Variants in KCNH7 observed in about 807,000 individuals in gnomAD.
KCNH7 encodes the protein potassium voltage-gated channel subfamily H member 7, also known as voltage-gated inwardly rectifying potassium channel KCNH7.
A neutral mutation model predicts 120.8 loss-of-function variants in KCNH7; 49 were observed. The observed-to-expected ratio is 0.41, with a 90% confidence interval of 0.32 to 0.51. KCNH7 has a LOEUF of 0.51. Among genes scored for constraint, KCNH7 ranks in the 20% least tolerant of loss-of-function variants. KCNH7 has a pLI of 0.38. For synonymous variants in KCNH7, 547 were observed against 516.1 expected, an observed-to-expected ratio of 1.06 and a Z score of -0.81; for missense variants, 1,097 against 1,446.6, an observed-to-expected ratio of 0.76 and a Z score of 3.92.
At chr2:162,711,077 A>C (rs1686913205) in intron 2 of KCNH7, among the ~76,000 whole-genome samples, 1 of 152,210 alleles carries the variant, frequency 6.6e-6, no homozygotes, top group African/African-American at 2.4e-5. Flanking sequence ...GTCTGAAAAA[A>C]TATTTGTCTA....
intron 2 of KCNH7, among the ~76,000 whole-genome samples, chr2:162,690,630 T>G (rs965289642): frequency 6.6e-6 from 1 of 152,132 alleles, no homozygotes; most frequent in South Asian, 2.1e-4. Flanking sequence ...TACTATCTTA[T>G]TTACAAGCAA....
chr2:162,423,613 G>A, intron 8 of KCNH7, 78 bp from the exon 9 acceptor site: 1 of 1,302,858 alleles, frequency 7.7e-7, no homozygotes, highest in Non-Finnish European at 1.1e-6. Context: ...TCAAGCATGT[G>A]GATTTTGATT....
At chr2:162,745,054 C>T (rs1688269986) in intron 2 of KCNH7, among the ~76,000 whole-genome samples, 1 of 152,172 alleles carries the variant, frequency 6.6e-6, no homozygotes, top group Admixed American at 6.5e-5. Context: ...TACTGATATT[C>T]AGGCAGCTAA....
At chr2:162,617,000 A>T in intron 2 of KCNH7, among the ~76,000 whole-genome samples, 1 of 152,148 alleles carries the variant, frequency 6.6e-6, no homozygotes, top group Non-Finnish European at 1.5e-5. Context: ...TCAAGTGTAG[A>T]TGGCTCAGAG....
intron 6 of KCNH7, among the ~76,000 whole-genome samples, chr2:162,488,129 G>A (rs904830807): frequency 6.6e-6 from 1 of 152,152 alleles, no homozygotes; most frequent in Non-Finnish European, 1.5e-5. Context: ...AACTGGTGAA[G>A]AAAGACCTGA....
intron 2 of KCNH7, among the ~76,000 whole-genome samples, chr2:162,698,833 C>G (rs1686390550): frequency 6.6e-6 from 1 of 152,002 alleles, no homozygotes. Context: ...TATAATTACT[C>G]TCATTTACCT....
chr2:162,634,074 A>G (rs941368405), intron 2 of KCNH7, among the ~76,000 whole-genome samples: 21 of 152,036 alleles, frequency 1.4e-4, no homozygotes, highest in African/African-American at 3.9e-4. Flanking sequence ...AATTAATGTT[A>G]CTATAGTTAA....
At chr2:162,722,805 C>CTTTTTTTCTT (rs1687366001) in intron 2 of KCNH7, among the ~76,000 whole-genome samples, 1 of 79,878 alleles carries the variant, frequency 1.3e-5, no homozygotes, top group African/African-American at 7.6e-5. Flanking sequence ...TTCATTCATT[C>CTTTTTTTCTT]TTTTTTTCTT....
intron 7 of KCNH7, among the ~76,000 whole-genome samples, chr2:162,443,209 C>A (rs1049697804): frequency 6.6e-6 from 1 of 152,168 alleles, no homozygotes; most frequent in Non-Finnish European, 1.5e-5. Context: ...TGTCAGGATT[C>A]TATCTAACAT....
chr2:162,468,134 T>G (rs1689370058), intron 6 of KCNH7, among the ~76,000 whole-genome samples: 1 of 152,160 alleles, frequency 6.6e-6, no homozygotes, highest in Non-Finnish European at 1.5e-5. Flanking sequence ...CTGGGAGTAG[T>G]CATCCTGGCA....
intron 13 of KCNH7, among the ~76,000 whole-genome samples, chr2:162,380,296 TAGG>T (rs1686371461): frequency 6.6e-6 from 1 of 152,162 alleles, no homozygotes; most frequent in Non-Finnish European, 1.5e-5. Flanking sequence ...CTGTTTGTGC[TAGG>T]AGAAGATAAG....
At chr2:162,611,475 A>T (rs1682960284) in intron 2 of KCNH7, among the ~76,000 whole-genome samples, 1 of 152,152 alleles carries the variant, frequency 6.6e-6, no homozygotes, top group Non-Finnish European at 1.5e-5. Context: ...TTTGAATATG[A>T]TAATGAGCTA....
chr2:162,553,039 T>C, intron 2 of KCNH7, among the ~76,000 whole-genome samples: 1 of 152,164 alleles, frequency 6.6e-6, no homozygotes, highest in East Asian at 1.9e-4. Flanking sequence ...CATTCAGCAA[T>C]AGGAGAGTAA....
intron 2 of KCNH7, among the ~76,000 whole-genome samples, chr2:162,643,637 T>G (rs1684242753): frequency 6.6e-6 from 1 of 151,046 alleles, no homozygotes; most frequent in African/African-American, 2.4e-5. Flanking sequence ...TGAAACCCCG[T>G]CTCTACTAAA....
At chr2:162,795,350 A>G (rs979122005) in intron 2 of KCNH7, 8 of 152,012 alleles carry the variant, frequency 5.3e-5, no homozygotes, top group African/African-American at 1.9e-4. Flanking sequence ...GCAACAAATG[A>G]GGAATCTAGG....
intron 12 of KCNH7, among the ~76,000 whole-genome samples, chr2:162,389,736 C>T (rs1284843544): frequency 6.6e-6 from 1 of 152,002 alleles, no homozygotes; most frequent in Non-Finnish European, 1.5e-5. Flanking sequence ...TTTCCTCTTC[C>T]AGGTCCTCTT....
At chr2:162,397,340 C>T (rs551217002) in intron 10 of KCNH7, among the ~76,000 whole-genome samples, 4 of 151,786 alleles carry the variant, frequency 2.6e-5, no homozygotes, top group East Asian at 2.0e-4. Flanking sequence ...CTTTCTGTCT[C>T]GGGATGGTCT....
chr2:162,372,923 G>A (rs1398613486), intron 15 of KCNH7, among the ~76,000 whole-genome samples: 1 of 152,092 alleles, frequency 6.6e-6, no homozygotes, highest in Non-Finnish European at 1.5e-5. Flanking sequence ...TATCATCCAA[G>A]TAAAAAAATT....
chr2:162,546,153 A>G (rs1395853592), intron 2 of KCNH7, among the ~76,000 whole-genome samples: 1 of 152,108 alleles, frequency 6.6e-6, no homozygotes, highest in African/African-American at 2.4e-5. Context: ...TCTGGTTCCT[A>G]CTTAATTTTG....
Sources: gnomAD v4.1 joint callset for allele counts (sites outside exome capture counted in the v4.1 genomes callset) on GRCh38, gnomAD v4.1.1 for gene constraint, MANE v1.5 for transcripts, NCBI Gene and HGNC (gene_info 2026-07-23, HGNC 2026-07-21) for gene names.